Variants in TBC1D15 observed in about 807,000 individuals in gnomAD.
TBC1D15 encodes the protein GAP for RAB7.
In TBC1D15, 39 loss-of-function variants were observed where a neutral mutation model predicts 95.4. The ratio of observed to expected loss-of-function variants is 0.41; its 90% CI spans 0.32 to 0.53. The LOEUF is 0.53. Ranked by LOEUF, TBC1D15 falls within the 20% of genes least tolerant of loss-of-function variation. The pLI, the probability that TBC1D15 is intolerant of heterozygous loss-of-function variation, is 0.29. For synonymous variants in TBC1D15, 258 were observed against 261.3 expected (o/e 0.99, Z 0.12); for missense variants, 733 against 794.3 (o/e 0.92, Z 0.93).
In TBC1D15 at chr12:71,888,781, T is replaced by C. The variant is rs567545709; in HGVS notation, c.554+3760T>C. 7.9e-5 allele frequency among the ~76,000 whole-genome samples: 12 copies of C among 152,042 alleles called. No homozygotes were observed. The South Asian group carries it at 1.9e-3, about 24-fold the overall frequency. ...ACTTAAGTCCCTGGGAAGGAGAGTGTCTTTAGAAGTGCTCATTTCCTTTTG... is the reference window on the plus strand; with the variant it reads ...ACTTAAGTCCCTGGGAAGGAGAGTGCCTTTAGAAGTGCTCATTTCCTTTTG... On this transcript the variant is annotated intron_variant, in intron 5 of 16. Transcript: ENST00000485960.
At chr12:71,878,816 C>T (rs1894527401) in intron 3 of TBC1D15, among the ~76,000 whole-genome samples, 1 of 150,172 alleles carries the variant, frequency 6.7e-6, no homozygotes, top group Admixed American at 6.6e-5. Context: ...TGCACCTGGC[C>T]TGAGGGTTGA....
At chr12:71,897,651 A>G (rs559126199) in intron 9 of TBC1D15, among the ~76,000 whole-genome samples, 196 bp from the exon 10 acceptor site, 80 of 152,048 alleles carry the variant, frequency 5.3e-4, no homozygotes, top group Middle Eastern at 6.9e-3. Context: ...AAACTTTGTG[A>G]TATTTATCGG....
intron 1 of TBC1D15, among the ~76,000 whole-genome samples, chr12:71,870,542 T>G (rs1467642989): frequency 6.6e-6 from 1 of 152,208 alleles, no homozygotes; most frequent in Non-Finnish European, 1.5e-5. Flanking sequence ...TAAGTCCATA[T>G]CACAGTTGAT....
At chr12:71,905,717 T>C (rs767963695) in intron 10 of TBC1D15, among the ~76,000 whole-genome samples, 1 of 152,216 alleles carries the variant, frequency 6.6e-6, no homozygotes, top group Non-Finnish European at 1.5e-5. Context: ...CACAATTCTG[T>C]ATGTATTTGC....
intron 6 of TBC1D15, chr12:71,894,325 G>T (rs1242877371): frequency 6.2e-7 from 1 of 1,612,360 alleles, no homozygotes. Flanking sequence ...TTGTATGAAG[G>T]CAGGACTGCT....
At chr12:71,856,141 G>C (rs1221373957) in intron 1 of TBC1D15, among the ~76,000 whole-genome samples, 2 of 152,132 alleles carry the variant, frequency 1.3e-5, no homozygotes, top group Admixed American at 1.3e-4. Flanking sequence ...TGAACTGGAA[G>C]ATGAAATGAA....
intron 1 of TBC1D15, among the ~76,000 whole-genome samples, chr12:71,861,721 A>T (rs1289482418): frequency 7.1e-6 from 1 of 140,822 alleles, no homozygotes; most frequent in African/African-American, 2.7e-5. Flanking sequence ...CTTTTCTTCT[A>T]TTCACTTGTA....
intron 1 of TBC1D15, chr12:71,849,171 A>C (rs538966696): frequency 1.5e-4 from 41 of 275,418 alleles, no homozygotes; most frequent in Admixed American, 2.0e-4. Flanking sequence ...TATAAAAAAA[A>C]AAAAAAACAA....
At position 71,893,716 on chromosome 12, in the gene TBC1D15, C is replaced by T. The variant is rs74794132; in HGVS notation, c.657+392C>T. ...TTTGAATTTAAGTAGATTGTTTTGA[C>T]GTCATGACAATCTTATTCCCCTAAG... On this transcript the variant is annotated intron_variant, in intron 6 of 16. Transcript: ENST00000485960. 5.0e-3 allele frequency among the ~76,000 whole-genome samples: 763 copies of T among 151,936 alleles called. 6 individuals are homozygous for T. Among genetic ancestry groups the T allele is most frequent in the African/African-American group, 0.017 (708 of 41,490 alleles).
At chr12:71,861,579 C>A in intron 1 of TBC1D15, 2 of 1,269,334 alleles carry the variant, frequency 1.6e-6, no homozygotes, top group African/African-American at 1.5e-5. Flanking sequence ...TTATTTGGGT[C>A]TTTTCACTTT....
chr12:71,910,926 A>G (rs974129845), intron 11 of TBC1D15, among the ~76,000 whole-genome samples: 1 of 152,216 alleles, frequency 6.6e-6, no homozygotes, highest in Non-Finnish European at 1.5e-5. Context: ...CAAATTTACA[A>G]GAAAAAACAA....
At chr12:71,843,303 A>G (rs527277832) in intron 1 of TBC1D15, among the ~76,000 whole-genome samples, 1 of 152,188 alleles carries the variant, frequency 6.6e-6, no homozygotes, top group South Asian at 2.1e-4. Context: ...ACAATAGGGA[A>G]ATCAGCTGTT....
In TBC1D15 at chr12:71,881,123, C is replaced by T. The variant is rs914375177; in HGVS notation, c.343+516C>T. On this transcript the variant is annotated intron_variant, in intron 4 of 16. Coordinates refer to ENST00000485960, the MANE Select transcript of TBC1D15 (RefSeq NM_001146213.3). Reference sequence around the variant, plus strand: ...ACTGATCGCCTATATGTCAGTGGTCCCATAAGCCCATAAGATTATAATGGA... The same window carrying T: ...ACTGATCGCCTATATGTCAGTGGTCTCATAAGCCCATAAGATTATAATGGA... 5.5e-4 allele frequency among the ~76,000 whole-genome samples: 84 copies of T among 152,078 alleles called. 1 individual carries two copies. Among genetic ancestry groups the T allele is most frequent in the African/African-American group, 1.8e-3 (76 of 41,396 alleles).
intron 12 of TBC1D15, 150 bp downstream of exon 12, chr12:71,914,076 C>T: frequency 1.8e-6 from 1 of 551,338 alleles, no homozygotes; most frequent in Middle Eastern, 4.9e-4. Context: ...TTTTAGTAGC[C>T]TTTCAAGGGC....
chr12:71,866,400 G>T (rs1365499422), intron 1 of TBC1D15, among the ~76,000 whole-genome samples: 2 of 152,238 alleles, frequency 1.3e-5, no homozygotes, highest in African/African-American at 4.8e-5. Flanking sequence ...GGTGAAGTCT[G>T]TAGGTGTCTA....
chr12:71,881,172 C>T (rs1450964491), intron 4 of TBC1D15, among the ~76,000 whole-genome samples: 2 of 152,166 alleles, frequency 1.3e-5, no homozygotes. Context: ...TGTCACGTAG[C>T]GACATCATAG....
intron 1 of TBC1D15, among the ~76,000 whole-genome samples, chr12:71,860,529 G>A (rs1358746771): frequency 6.6e-6 from 1 of 151,924 alleles, no homozygotes; most frequent in East Asian, 1.9e-4. Flanking sequence ...TTGCTTTCTT[G>A]ATTTGTTTTT....
chr12:71,917,095 ATGTC>A (rs1903888492), intron 12 of TBC1D15, among the ~76,000 whole-genome samples: 1 of 152,082 alleles, frequency 6.6e-6, no homozygotes, highest in Non-Finnish European at 1.5e-5. Context: ...ATTTTTAAAA[ATGTC>A]TGGTTTAATA....
At chr12:71,866,098 T>G (rs1208698042) in intron 1 of TBC1D15, among the ~76,000 whole-genome samples, 2 of 152,186 alleles carry the variant, frequency 1.3e-5, no homozygotes, top group East Asian at 3.9e-4. Context: ...TGTTTCCACT[T>G]GGCCCCACAG....
Sources: gnomAD v4.1 joint callset for allele counts (sites outside exome capture counted in the v4.1 genomes callset) on GRCh38, gnomAD v4.1.1 for gene constraint, MANE v1.5 for transcripts, NCBI Gene and HGNC (gene_info 2026-07-23, HGNC 2026-07-21) for gene names.